Variants in PCDH15 observed in about 807,000 individuals in gnomAD.
PCDH15 encodes the protein protocadherin-15.
Under a neutral mutation model 178.5 loss-of-function variants are expected in PCDH15, and 129 were observed. The observed-to-expected ratio is 0.72, with a 90% CI of 0.63 to 0.84. PCDH15 has a LOEUF of 0.84. Ranked by LOEUF, PCDH15 falls within the 40% of genes least tolerant of loss-of-function variation. The pLI, the probability that PCDH15 is intolerant of heterozygous loss-of-function variation, is 0.00. For missense variants in PCDH15, 2,230 were observed against 2,099.9 expected (o/e 1.06, Z -1.21); for synonymous variants, 800 against 732.0 (o/e 1.09, Z -1.50).
intron 2 of PCDH15, among the ~76,000 whole-genome samples, chr10:55,425,281 C>T (rs1212483014): frequency 6.6e-6 from 1 of 151,732 alleles, no homozygotes; most frequent in Non-Finnish European, 1.5e-5. Context: ...ATTTTATTGA[C>T]AATCTCTTTT....
chr10:54,226,065 G>A (rs114033362), intron 9 of PCDH15, among the ~76,000 whole-genome samples: 3,296 of 152,234 alleles, frequency 0.022, 136 homozygotes, highest in African/African-American at 0.076. Flanking sequence ...TCAATCAATT[G>A]GCTGATTGAT....
At chr10:55,030,103 T>TA in intron 2 of PCDH15, among the ~76,000 whole-genome samples, 1 of 152,302 alleles carries the variant, frequency 6.6e-6, no homozygotes, top group Middle Eastern at 3.4e-3. Context: ...GTTAAGATTT[T>TA]ATAATGTTTT....
At chr10:53,812,043 T>C (rs1003596155) in intron 35 of PCDH15, among the ~76,000 whole-genome samples, 5 of 152,192 alleles carry the variant, frequency 3.3e-5, no homozygotes, top group Admixed American at 6.5e-5. Flanking sequence ...GCATTTTTTT[T>C]CATCTCCCCA....
At chr10:54,074,969 G>T (rs1030471214) in intron 17 of PCDH15, among the ~76,000 whole-genome samples, 1 of 152,048 alleles carries the variant, frequency 6.6e-6, no homozygotes, top group African/African-American at 2.4e-5. Flanking sequence ...ATAATATTTA[G>T]CAATGCTAAG....
intron 3 of PCDH15, among the ~76,000 whole-genome samples, chr10:54,466,927 G>T (rs997265712): frequency 3.3e-5 from 5 of 151,834 alleles, no homozygotes; most frequent in African/African-American, 9.7e-5. Context: ...TTGTAAATGG[G>T]ATTGCCTTCT....
intron 23 of PCDH15, among the ~76,000 whole-genome samples, chr10:53,948,009 G>A (rs925198291): frequency 3.3e-5 from 5 of 152,054 alleles, no homozygotes; most frequent in South Asian, 2.1e-4. Flanking sequence ...ATAAGAATGC[G>A]CTGGAGAAAT....
chr10:53,809,417 T>C, intron 37 of PCDH15: 1 of 1,613,906 alleles, frequency 6.2e-7, no homozygotes, highest in East Asian at 2.2e-5. Flanking sequence ...ATGGGGAATA[T>C]TCTGGCTCTC....
intron 1 of PCDH15, among the ~76,000 whole-genome samples, chr10:55,279,969 T>C (rs1449652989): frequency 6.6e-6 from 1 of 152,174 alleles, no homozygotes; most frequent in Non-Finnish European, 1.5e-5. Context: ...TCTTAAAAAG[T>C]AAACATAATA....
At chr10:54,368,283 G>T (rs972996420) in intron 5 of PCDH15, among the ~76,000 whole-genome samples, 4 of 151,850 alleles carry the variant, frequency 2.6e-5, no homozygotes, top group African/African-American at 9.7e-5. Context: ...ACAAATTACA[G>T]TTATTCTCCT....
chr10:54,606,189 C>A (rs2134163304), intron 2 of PCDH15: 2 of 152,124 alleles, frequency 1.3e-5, no homozygotes, highest in African/African-American at 4.8e-5. Flanking sequence ...GTTGTTGTAG[C>A]TAGTTGGTGA....
At chr10:53,932,254 A>G (rs965484619) in intron 25 of PCDH15, among the ~76,000 whole-genome samples, 1 of 152,188 alleles carries the variant, frequency 6.6e-6, no homozygotes, top group African/African-American at 2.4e-5. Flanking sequence ...ATCCTACCGA[A>G]CAGGATTTAA....
intron 1 of PCDH15, among the ~76,000 whole-genome samples, chr10:54,773,792 T>C (rs1438569777): frequency 6.6e-6 from 1 of 152,042 alleles, no homozygotes; most frequent in Non-Finnish European, 1.5e-5. Context: ...TTTCTCACTT[T>C]CTAAAATACC....
At chr10:54,547,467 T>C (rs891827269) in intron 2 of PCDH15, among the ~76,000 whole-genome samples, 2 of 152,148 alleles carry the variant, frequency 1.3e-5, no homozygotes, top group Non-Finnish European at 2.9e-5. Flanking sequence ...ATCCTGCCAC[T>C]ATCTTATAAA....
intron 2 of PCDH15, among the ~76,000 whole-genome samples, chr10:54,934,942 A>T (rs1432636956): frequency 1.3e-5 from 2 of 152,080 alleles, no homozygotes; most frequent in Non-Finnish European, 2.9e-5. Context: ...ACATGGATGA[A>T]ACTGGAAATC....
At chr10:55,465,198 G>T (rs1839807305) in intron 2 of PCDH15, among the ~76,000 whole-genome samples, 1 of 152,138 alleles carries the variant, frequency 6.6e-6, no homozygotes, top group African/African-American at 2.4e-5. Context: ...AAATCTGCAG[G>T]GTAGGCTAAC....
chr10:54,324,654 C>A (rs534103001), intron 7 of PCDH15, among the ~76,000 whole-genome samples: 42 of 152,148 alleles, frequency 2.8e-4, no homozygotes, highest in South Asian at 8.3e-4. Context: ...GTAATACCAA[C>A]TACTCGGGAG....
chr10:55,519,025 C>T (rs1375107558), intron 2 of PCDH15, among the ~76,000 whole-genome samples: 1 of 143,654 alleles, frequency 7.0e-6, no homozygotes, highest in Admixed American at 7.4e-5. Flanking sequence ...ACCAGGGAAG[C>T]CGAGATTGCA....
chr10:54,545,245 C>T (rs550624204), intron 2 of PCDH15, among the ~76,000 whole-genome samples: 41 of 152,142 alleles, frequency 2.7e-4, no homozygotes, highest in Non-Finnish European at 4.6e-4. Context: ...AAAATAGCTT[C>T]AATACTACTT....
At chr10:55,063,897 CT>C (rs960924812) in intron 2 of PCDH15, among the ~76,000 whole-genome samples, 37 of 152,058 alleles carry the variant, frequency 2.4e-4, no homozygotes, top group African/African-American at 8.9e-4. Flanking sequence ...GCTGTTTATC[CT>C]GTGATAAAGG....
Sources: gnomAD v4.1 joint callset for allele counts (sites outside exome capture counted in the v4.1 genomes callset) on GRCh38, gnomAD v4.1.1 for gene constraint, MANE v1.5 for transcripts, NCBI Gene and HGNC (gene_info 2026-07-23, HGNC 2026-07-21) for gene names.